Variants in NUDT13 observed in about 807,000 individuals in gnomAD.
NUDT13 encodes the protein nudix hydrolase 13, also known as NAD(P)H pyrophosphatase NUDT13, mitochondrial.
In NUDT13, 40 loss-of-function variants were observed where a neutral mutation model predicts 41.7. The observed-to-expected ratio is 0.96, with a 90% CI of 0.75 to 1.25. NUDT13 has a LOEUF of 1.25. Ranked by LOEUF, NUDT13 falls within the 50% of genes most tolerant of loss-of-function variation. The probability of loss-of-function intolerance (pLI) is 0.00; values close to 1 mark genes in which losing one functional copy is unlikely to be tolerated. For missense variants in NUDT13, 390 were observed against 416.1 expected (o/e 0.94, Z 0.55); for synonymous variants, 145 against 155.5 (o/e 0.93, Z 0.50).
Position 73,125,199 on chromosome 10 carries a change from A to G in NUDT13, c.547A>G (p.Ser183Gly). 6.2e-7 allele frequency: 1 copy of G among 1,613,586 alleles called. No individual in the cohort carries two copies. The highest frequency in any genetic ancestry group is 1.1e-5 in the South Asian group (1 of 91,070). ...GCCCACCAAGAAGAACGTGGCTGGCAGCAAGCGTGTGTGCCCTTCCAATAA... is the reference window on the plus strand; with the variant it reads ...GCCCACCAAGAAGAACGTGGCTGGCGGCAAGCGTGTGTGCCCTTCCAATAA... ...GQPTKKNVAG[S>G]KRVCPSNNII... is the part of the protein sequence containing the mutation. Residue 183 changes from serine (S) to glycine (G), a missense_variant, in exon 6 of 9, where the codon AGC becomes GGC. Coordinates refer to ENST00000357321, the MANE Select transcript of NUDT13 (RefSeq NM_015901.6).
At chr10:73,128,366 T>C (rs1842841078) in intron 8 of NUDT13, among the ~76,000 whole-genome samples, 2 of 152,094 alleles carry the variant, frequency 1.3e-5, no homozygotes, top group African/African-American at 4.8e-5. Flanking sequence ...CCCTTTTCTC[T>C]ACATCCTTAC....
Position 73,124,303 on chromosome 10 carries a change from G to A in NUDT13, c.448G>A (p.Ala150Thr). 6.2e-7 allele frequency: 1 copy of A among 1,607,926 alleles called. No individual in the cohort carries two copies. Among genetic ancestry groups the A allele is most frequent in the Non-Finnish European group, 8.5e-7 (1 of 1,174,960 alleles). ...KALFQLNARD[A>T]SLLSTAQALL... is the part of the protein sequence containing the mutation. ...ACTCTTTCAACTCAATGCAAGGGATGCCTCCTTGCTGTCCACGGTAGATTC... is the reference window on the plus strand; with the variant it reads ...ACTCTTTCAACTCAATGCAAGGGATACCTCCTTGCTGTCCACGGTAGATTC... The change falls in exon 5 of 9, where the codon GCC becomes ACC. Residue 150 changes from alanine (A) to threonine (T), a missense_variant. Ala to Thr is a moderately conservative substitution (Grantham distance 58, BLOSUM62 0). Transcript: ENST00000357321.
chr10:73,130,671 C>T, intron 8 of NUDT13, 32 bp from the exon 9 acceptor site: 1 of 1,583,142 alleles, frequency 6.3e-7, no homozygotes, highest in Non-Finnish European at 8.7e-7. Context: ...TAGCTCCTGA[C>T]CTTACATCCT....
chr10:73,117,668 ATATACT>A (rs1381887583), intron 2 of NUDT13, among the ~76,000 whole-genome samples: 2 of 152,156 alleles, frequency 1.3e-5, no homozygotes, highest in African/African-American at 2.4e-5. Context: ...TGGATTCTAA[ATATACT>A]TATATATGTA....
Position 73,130,981 on chromosome 10 carries a change from C to T in NUDT13, c.*78C>T, listed in dbSNP as rs1322847492. Reference sequence around the variant, plus strand: ...AGATCAGTTGACAAAGGAGAAGTGACAAAAGATAAGCTGCAGAAGGACCTC... The same window carrying T: ...AGATCAGTTGACAAAGGAGAAGTGATAAAAGATAAGCTGCAGAAGGACCTC... On this transcript the variant is annotated 3_prime_UTR_variant, in exon 9 of 9. Transcript: ENST00000357321. 1.2e-5 allele frequency: 15 copies of T among 1,293,314 alleles called. No homozygotes were observed. The highest frequency in any genetic ancestry group is 3.5e-5 in the Admixed American group (2 of 57,500). 80.1% of individuals were successfully genotyped at this position (1,293,314 alleles called of 1,614,324 possible).
At chr10:73,118,935 G>A (rs1842576293) in intron 2 of NUDT13, among the ~76,000 whole-genome samples, 1 of 151,942 alleles carries the variant, frequency 6.6e-6, no homozygotes, top group Admixed American at 6.6e-5. Context: ...TCGTGCCACT[G>A]CACTCCAGCC....
At chr10:73,120,255 T>A in intron 3 of NUDT13, 98 bp downstream of exon 3, 1 of 1,294,146 alleles carries the variant, frequency 7.7e-7, no homozygotes. Flanking sequence ...AACTTTGGAG[T>A]CTAGATTTTT....
chr10:73,123,575 T>C (rs896586021), intron 4 of NUDT13, among the ~76,000 whole-genome samples: 3 of 152,158 alleles, frequency 2.0e-5, no homozygotes, highest in Non-Finnish European at 1.5e-5. Context: ...AAAACAAAAA[T>C]AGAGATTGCT....
chr10:73,116,942 G>A (rs1443507308), intron 2 of NUDT13, among the ~76,000 whole-genome samples: 1 of 123,864 alleles, frequency 8.1e-6, no homozygotes, highest in Non-Finnish European at 1.6e-5. Flanking sequence ...CTGGACTGCA[G>A]TGGTGTGATC....
At chr10:73,124,557 A>G (rs909286528) in intron 5 of NUDT13, 16 of 467,014 alleles carry the variant, frequency 3.4e-5, no homozygotes, top group Admixed American at 1.1e-4. Context: ...ATGCAGATCT[A>G]TGGCAATAGG....
chr10:73,114,339 C>CTTT lies in NUDT13; in HGVS notation c.-9-6_-9-4dup, dbSNP rs5786099. 187 of 1,080,406 alleles carry CTTT rather than the reference C, an allele frequency of 1.7e-4. No homozygotes were observed. Among genetic ancestry groups the CTTT allele is most frequent in the South Asian group, 3.7e-4 (21 of 56,962 alleles). The allele number at this position is 1,080,406 out of a possible 1,614,324, so 66.9% of individuals were successfully genotyped here. ...CATATTATGACTTTTTTTAAAACTC[C>CTTT]TTTTTTTTTTTTTTAAGGACCTGAC... On this transcript the variant is annotated splice_polypyrimidine_tract_variant and intron_variant, in intron 1 of 8. Coordinates refer to ENST00000357321, the MANE Select transcript of NUDT13 (RefSeq NM_015901.6).
intron 2 of NUDT13, among the ~76,000 whole-genome samples, chr10:73,117,685 T>C (rs1842550454): frequency 6.6e-6 from 1 of 152,124 alleles, no homozygotes; most frequent in Non-Finnish European, 1.5e-5. Context: ...TATATATGTA[T>C]TGATGTATAA....
At chr10:73,129,956 G>A (rs1842877206) in intron 8 of NUDT13, among the ~76,000 whole-genome samples, 2 of 149,120 alleles carry the variant, frequency 1.3e-5, no homozygotes, top group South Asian at 2.1e-4. Context: ...TCTAGCCTGG[G>A]TAAAAAGAGC....
Position 73,120,622 on chromosome 10 carries a change from A to T in NUDT13, c.223+465A>T, listed in dbSNP as rs1842620755. Among the ~76,000 whole-genome samples, 5 of 152,224 alleles carry T rather than the reference A, an allele frequency of 3.3e-5. No homozygotes were observed. The South Asian group carries it at 1.0e-3, about 32-fold the overall frequency. On this transcript the variant is annotated intron_variant, in intron 3 of 8. Coordinates refer to ENST00000357321, the MANE Select transcript of NUDT13 (RefSeq NM_015901.6). The stretch of plus-strand genomic sequence containing the variant: ...GAGCAGTGAATTCCAGCCTCCACAG[A>T]GGTACACAGTTATGCTAATTCAGAG...
At chr10:73,120,197 G>A (rs1273823003) in intron 3 of NUDT13, 40 bp downstream of exon 3, 3 of 1,594,638 alleles carry the variant, frequency 1.9e-6, no homozygotes, top group Admixed American at 1.7e-5. Flanking sequence ...CCAGCCTGTG[G>A]CCACTACGCA....
At chr10:73,130,159 A>G (rs1278037575) in intron 8 of NUDT13, 1 of 148,134 alleles carries the variant, frequency 6.8e-6, no homozygotes, top group Non-Finnish European at 1.5e-5. Context: ...TTTTTTTACT[A>G]TGTTAGAAAT....
At chr10:73,121,814 A>G (rs939109438) in intron 3 of NUDT13, among the ~76,000 whole-genome samples, 1 of 151,914 alleles carries the variant, frequency 6.6e-6, no homozygotes, top group Non-Finnish European at 1.5e-5. Context: ...CCTGCCCCCC[A>G]GCCTTGGTCT....
At chr10:73,127,881 G>T (rs1282821360) in intron 8 of NUDT13, among the ~76,000 whole-genome samples, 2 of 151,770 alleles carry the variant, frequency 1.3e-5, no homozygotes, top group African/African-American at 2.4e-5. Flanking sequence ...CTGAAACCTG[G>T]TACCCTTTGA....
At chr10:73,125,568 A>G in intron 7 of NUDT13, 59 bp downstream of exon 7, 2 of 1,106,750 alleles carry the variant, frequency 1.8e-6, no homozygotes, top group Non-Finnish European at 2.7e-6. Flanking sequence ...TACTAATACA[A>G]TCTTCTCTGT....
Sources: allele counts gnomAD v4.1 joint callset (sites outside exome capture counted in the v4.1 genomes callset), GRCh38; gene constraint gnomAD v4.1.1; transcripts MANE v1.5; gene names NCBI Gene and HGNC (gene_info 2026-07-23, HGNC 2026-07-21).